The following SERPINB7 variants were observed in gnomAD, a reference collection of about 807,000 sequenced individuals.
The protein encoded by SERPINB7 is serpin B7.
Under a neutral mutation model 37.4 loss-of-function variants are expected in SERPINB7, and 31 were observed. That is an observed-to-expected ratio of 0.83 (90% confidence interval 0.62 to 1.12). The LOEUF (loss-of-function observed/expected upper bound fraction) is 1.12, where lower values mean the gene tolerates loss of function less well. Ranked by LOEUF, SERPINB7 falls within the 50% of genes most tolerant of loss-of-function variation. The probability of loss-of-function intolerance (pLI) is 0.00; values close to 1 mark genes in which losing one functional copy is unlikely to be tolerated. For synonymous variants in SERPINB7, 163 were observed against 166.1 expected (o/e 0.98, Z 0.14); for missense variants, 521 against 455.3 (o/e 1.14, Z -1.31).
At chr18:63,791,692 G>C (rs528571873) in intron 2 of SERPINB7, among the ~76,000 whole-genome samples, 1 of 151,908 alleles carries the variant, frequency 6.6e-6, no homozygotes, top group African/African-American at 2.4e-5. Context: ...CTCACTGCAA[G>C]CTCTACCTCC....
chr18:63,796,467 C>A, intron 5 of SERPINB7, 84 bp downstream of exon 5: 1 of 742,372 alleles, frequency 1.3e-6, no homozygotes, highest in Non-Finnish European at 2.3e-6. Flanking sequence ...GTCTTTTGTA[C>A]ATACAAGGAA....
At chr18:63,780,169 C>G (rs574064807) in intron 1 of SERPINB7, among the ~76,000 whole-genome samples, 1 of 152,210 alleles carries the variant, frequency 6.6e-6, no homozygotes, top group African/African-American at 2.4e-5. Flanking sequence ...TTTGAAGTTA[C>G]TTTCCCAAGA....
intron 7 of SERPINB7, among the ~76,000 whole-genome samples, chr18:63,802,454 A>C (rs2049560038): frequency 6.6e-6 from 1 of 152,256 alleles, no homozygotes; most frequent in Admixed American, 6.5e-5. Flanking sequence ...CACCTACTAC[A>C]TCCCAGGCCA....
At chr18:63,755,449 CCTT>C (rs1434840749) in intron 1 of SERPINB7, among the ~76,000 whole-genome samples, 1 of 152,098 alleles carries the variant, frequency 6.6e-6, no homozygotes, top group Middle Eastern at 3.2e-3. Context: ...TTTCTACTGG[CCTT>C]CTTTTTTCAT....
rs144557466 is a variant in SERPINB7, at chr18:63,787,762, C to A, written c.169-4631C>A. ...TTTGGCTAATGAGAAGGGGAGATTCCTTTCTCTGCAAGGCTTCACATGAAT... is the reference window on the plus strand; with the variant it reads ...TTTGGCTAATGAGAAGGGGAGATTCATTTCTCTGCAAGGCTTCACATGAAT... On this transcript the variant is annotated intron_variant, in intron 2 of 7. Transcript: ENST00000398019. Among the ~76,000 whole-genome samples, 3 of 152,198 alleles carry A rather than the reference C, an allele frequency of 2.0e-5. No individual in the cohort carries two copies. In the East Asian group the frequency reaches 5.8e-4, roughly 29 times the overall value.
chr18:63,773,402 G>A (rs1598995577), upstream of SERPINB7, among the ~76,000 whole-genome samples: 2 of 152,056 alleles, frequency 1.3e-5, no homozygotes, highest in East Asian at 3.9e-4. Flanking sequence ...AGTATTCCCA[G>A]GTCATTTCCA....
At position 63,790,843 on chromosome 18, in the gene SERPINB7, T is replaced by C. The variant is rs7237847; in HGVS notation, c.169-1550T>C. The stretch of plus-strand genomic sequence containing the variant: ...TACTATAAAGACGCATGCACACGTA[T>C]GTTTATTGCAGCACTATTCACAATA... On this transcript the variant is annotated intron_variant, in intron 2 of 7. Transcript: ENST00000398019. Among the ~76,000 whole-genome samples the C allele has an allele frequency of 6.8e-4, 104 of 152,306 alleles. 1 individual carries two copies. Among genetic ancestry groups the C allele is most frequent in the Middle Eastern group, 3.4e-3 (1 of 294 alleles).
intron 2 of SERPINB7, among the ~76,000 whole-genome samples, chr18:63,785,734 T>C (rs1367629956): frequency 6.6e-6 from 1 of 151,540 alleles, no homozygotes; most frequent in East Asian, 1.9e-4. Flanking sequence ...TGTTTTGTTT[T>C]TTTTGTGTGT....
intron 1 of SERPINB7, among the ~76,000 whole-genome samples, chr18:63,761,003 G>A (rs2049150461): frequency 6.6e-6 from 1 of 152,204 alleles, no homozygotes; most frequent in Non-Finnish European, 1.5e-5. Context: ...TGTGAGAAGA[G>A]GGCCACTGTC....
rs1359425183 is a variant in SERPINB7 at position 63,804,366 on chromosome 18, A to G, written c.874A>G (p.Arg292Gly). 1 of 1,613,620 alleles carries G rather than the reference A, an allele frequency of 6.2e-7. No homozygotes were observed. Among genetic ancestry groups the G allele is most frequent in the African/African-American group, 1.3e-5 (1 of 74,898 alleles). ...EKNYEMKQYL[R>G]ALGLKDIFDE... The stretch of plus-strand genomic sequence containing the variant: ...GAATTATGAAATGAAACAATATTTG[A>G]GAGCCCTAGGGCTGAAAGATATCTT... Residue 292 changes from arginine to glycine, a missense_variant, in exon 8 of 8, where the codon AGA becomes GGA. By Grantham distance (125) the Arg-to-Gly change is moderately radical. Transcript: ENST00000398019.
At position 63,801,158 on chromosome 18, in the gene SERPINB7, G is replaced by A. The variant is rs971472820; in HGVS notation, c.744+146G>A. 1.2e-5 allele frequency: 9 copies of A among 769,494 alleles called. No individual in the cohort carries two copies. The African/African-American group carries it at 1.2e-4, about 11-fold the overall frequency. The allele number at this position is 769,494 out of a possible 1,614,324, so 47.7% of individuals were successfully genotyped here. The stretch of plus-strand genomic sequence containing the variant: ...ATTAATTTATTTGACAAATATTTAA[G>A]GGGTACCTAGTATGAGCCAGACATC... On this transcript the variant is annotated intron_variant, in intron 7 of 7. Transcript: ENST00000398019.
At chr18:63,771,068 G>T (rs1035215616), upstream of SERPINB7, among the ~76,000 whole-genome samples, 1 of 152,008 alleles carries the variant, frequency 6.6e-6, no homozygotes, top group African/African-American at 2.4e-5. Context: ...AGGTCACATG[G>T]CACTGGGTGC....
intron 2 of SERPINB7, among the ~76,000 whole-genome samples, chr18:63,792,125 T>G (rs2049435425): frequency 6.6e-6 from 1 of 152,194 alleles, no homozygotes; most frequent in Non-Finnish European, 1.5e-5. Context: ...AGCATTTATG[T>G]AAATTGGCAC....
upstream of SERPINB7, among the ~76,000 whole-genome samples, chr18:63,774,701 G>A (rs60408205): frequency 2.4e-3 from 365 of 152,156 alleles, 5 homozygotes; most frequent in African/African-American, 8.4e-3. Flanking sequence ...TCAGAAGGGT[G>A]GAGGAGAGGC....
At chr18:63,792,674 A>G (rs1191223563) in intron 3 of SERPINB7, among the ~76,000 whole-genome samples, 2 of 152,148 alleles carry the variant, frequency 1.3e-5, no homozygotes, top group Non-Finnish European at 2.9e-5. Flanking sequence ...AACCCAAGAG[A>G]TGGAAGTTGG....
At chr18:63,760,833 C>T (rs948713692) in intron 1 of SERPINB7, among the ~76,000 whole-genome samples, 15 of 152,202 alleles carry the variant, frequency 9.9e-5, no homozygotes, top group African/African-American at 3.6e-4. Context: ...GAACCTCTGC[C>T]TAGATTTCAG....
intron 2 of SERPINB7, among the ~76,000 whole-genome samples, chr18:63,791,221 A>G (rs1167118904): frequency 2.6e-5 from 4 of 152,198 alleles, no homozygotes; most frequent in Admixed American, 6.5e-5. Flanking sequence ...GCAAACCACC[A>G]TGGCATGTGT....
chr18:63,798,518 A>C, intron 5 of SERPINB7, 86 bp from the exon 6 acceptor site: 2 of 1,083,774 alleles, frequency 1.8e-6, no homozygotes, highest in Non-Finnish European at 2.6e-6. Context: ...TTAAGAAAAA[A>C]ACTTCATACC....
intron 6 of SERPINB7, 63 bp downstream of exon 6, chr18:63,798,809 G>C: frequency 6.6e-7 from 1 of 1,517,806 alleles, no homozygotes; most frequent in African/African-American, 1.4e-5. Context: ...TTGCAGGACT[G>C]TGATAGTTAC....
Sources: gnomAD v4.1 joint callset for allele counts (sites outside exome capture counted in the v4.1 genomes callset) on GRCh38, gnomAD v4.1.1 for gene constraint, MANE v1.5 for transcripts, NCBI Gene and HGNC (gene_info 2026-07-23, HGNC 2026-07-21) for gene names.